MGAT4A: variants seen among roughly 807,000 people sequenced by gnomAD.
MGAT4A encodes N-acetylglucosaminyltransferase IVa.
In MGAT4A, 33 loss-of-function variants were observed where a neutral mutation model predicts 74.1. The ratio of observed to expected loss-of-function variants is 0.45; its 90% CI spans 0.34 to 0.60. MGAT4A has a LOEUF of 0.60. Among genes scored for constraint, MGAT4A ranks in the 20% least tolerant of loss-of-function variants. The probability of loss-of-function intolerance (pLI) is 0.02; values close to 1 mark genes in which losing one functional copy is unlikely to be tolerated. For synonymous variants in MGAT4A, 198 were observed against 210.4 expected (o/e 0.94, Z 0.51); for missense variants, 479 against 628.3 (o/e 0.76, Z 2.54).
At chr2:98,644,634 T>C (rs1701458393) in intron 9 of MGAT4A, among the ~76,000 whole-genome samples, 1 of 151,954 alleles carries the variant, frequency 6.6e-6, no homozygotes, top group African/African-American at 2.4e-5. Context: ...ACTTTAAACA[T>C]ACTCTTTTTT....
chr2:98,654,959 TA>T (rs903410461), intron 8 of MGAT4A, among the ~76,000 whole-genome samples: 1 of 152,138 alleles, frequency 6.6e-6, no homozygotes, highest in African/African-American at 2.4e-5. Context: ...GTGTTCTTGG[TA>T]AAAATTGGAC....
At chr2:98,650,905 G>A (rs1017078878) in intron 8 of MGAT4A, among the ~76,000 whole-genome samples, 10 of 152,110 alleles carry the variant, frequency 6.6e-5, no homozygotes, top group South Asian at 2.1e-4. Context: ...CCGAGATCGC[G>A]CCACTGCACT....
In MGAT4A at chr2:98,657,705, T is replaced by C. The variant is rs551489454; in HGVS notation, c.584+513A>G. On this transcript the variant is annotated intron_variant, in intron 6 of 15. Transcript: ENST00000393487. ...TAATTTTATTACGCTATTGAAACTA[T>C]TAAGGCAATATTATAAAAAATAATA... is the stretch of plus-strand genomic sequence containing the variant. Among the ~76,000 whole-genome samples, 7 of 152,312 alleles carry C rather than the reference T, an allele frequency of 4.6e-5. No individual in the cohort carries two copies. The East Asian group carries it at 9.6e-4, about 21-fold the overall frequency.
At chr2:98,635,437 T>G in intron 13 of MGAT4A, 149 bp from the exon 14 acceptor site, 1 of 568,422 alleles carries the variant, frequency 1.8e-6, no homozygotes. Flanking sequence ...TTTAAAAAAC[T>G]TATTAGATTA....
At chr2:98,627,379 C>CT (rs60739877) in intron 14 of MGAT4A, among the ~76,000 whole-genome samples, 78 of 149,860 alleles carry the variant, frequency 5.2e-4, no homozygotes, top group African/African-American at 1.5e-3. Context: ...AACTAGTTTT[C>CT]TTTTTTTTTT....
At position 98,622,784 on chromosome 2, in the gene MGAT4A, A is replaced by T; in HGVS notation, c.*2782T>A. 1 of 985,720 alleles carries T rather than the reference A, an allele frequency of 1.0e-6. No homozygotes were observed. Among genetic ancestry groups the T allele is most frequent in the Non-Finnish European group, 1.2e-6 (1 of 830,142 alleles). The allele number at this position is 985,720 out of a possible 1,614,324, so 61.1% of individuals were successfully genotyped here. ...GTCAGAGAGACAGCACACACCATAC[A>T]CACAAACAATCAAAAACTAGACAAC... is the stretch of plus-strand genomic sequence containing the variant. On this transcript the variant is annotated 3_prime_UTR_variant, in exon 16 of 16. Transcript: ENST00000393487.
At chr2:98,631,474 C>T (rs1235784304) in intron 14 of MGAT4A, among the ~76,000 whole-genome samples, 3 of 152,256 alleles carry the variant, frequency 2.0e-5, no homozygotes, top group Non-Finnish European at 4.4e-5. Context: ...TGGCCTGCCA[C>T]GTCCCCATAC....
chr2:98,690,343 C>T (rs1313924316), intron 2 of MGAT4A, among the ~76,000 whole-genome samples: 1 of 152,166 alleles, frequency 6.6e-6, no homozygotes, highest in African/African-American at 2.4e-5. Flanking sequence ...GTAGCAGGGT[C>T]CCTTCTCCCC....
intron 2 of MGAT4A, among the ~76,000 whole-genome samples, chr2:98,712,581 T>C (rs1176874728): frequency 2.0e-5 from 3 of 152,212 alleles, no homozygotes; most frequent in African/African-American, 7.2e-5. Context: ...TTGTGCACTT[T>C]TTACATCTTT....
chr2:98,716,227 G>C (rs1161001601), intron 2 of MGAT4A, among the ~76,000 whole-genome samples: 1 of 152,144 alleles, frequency 6.6e-6, no homozygotes, highest in Non-Finnish European at 1.5e-5. Flanking sequence ...AGAAGCTGAG[G>C]TGAGGGTGAC....
In MGAT4A at chr2:98,640,006, G is replaced by A; in HGVS notation, c.1129-5C>T. 1.2e-6 allele frequency: 2 copies of A among 1,606,058 alleles called. No homozygotes were observed. The highest frequency in any genetic ancestry group is 1.7e-6 in the Non-Finnish European group (2 of 1,175,604). On this transcript the variant is annotated splice_region_variant and splice_polypyrimidine_tract_variant and intron_variant, in intron 11 of 15. Coordinates refer to ENST00000393487, the MANE Select transcript of MGAT4A (RefSeq NM_012214.3). ...TGGTTTCATATAATCTTTATCCTGGGAGCAAAGACATATATGCTATTAAAT... is the reference window on the plus strand; with the variant it reads ...TGGTTTCATATAATCTTTATCCTGGAAGCAAAGACATATATGCTATTAAAT...
intron 14 of MGAT4A, among the ~76,000 whole-genome samples, chr2:98,630,777 C>T (rs1021092057): frequency 2.6e-5 from 4 of 152,118 alleles, no homozygotes; most frequent in African/African-American, 9.7e-5. Flanking sequence ...CGGGAACTGC[C>T]TCTCAGAAGC....
At chr2:98,637,402 A>G (rs1029681175) in intron 12 of MGAT4A, among the ~76,000 whole-genome samples, 7 of 152,082 alleles carry the variant, frequency 4.6e-5, no homozygotes, top group Admixed American at 1.3e-4. Context: ...CTTTAATATT[A>G]GTAGACTAAA....
intron 2 of MGAT4A, 136 bp from the exon 3 acceptor site, chr2:98,678,607 A>G (rs1269195967): frequency 2.1e-6 from 1 of 472,098 alleles, no homozygotes; most frequent in Non-Finnish European, 3.4e-6. Flanking sequence ...GAACTGAAAA[A>G]AAAAGGGTTC....
chr2:98,705,302 T>A (rs1702409385), intron 2 of MGAT4A, among the ~76,000 whole-genome samples: 1 of 152,182 alleles, frequency 6.6e-6, no homozygotes, highest in Non-Finnish European at 1.5e-5. Flanking sequence ...TGATCTTAAA[T>A]GATGGTTCTA....
intron 4 of MGAT4A, 79 bp downstream of exon 4, chr2:98,674,956 C>T: frequency 1.4e-6 from 2 of 1,458,838 alleles, no homozygotes; most frequent in Middle Eastern, 1.8e-4. Context: ...ACCTCCCAGA[C>T]TTCTGATGGT....
chr2:98,630,086 G>A (rs1701206921), intron 14 of MGAT4A, among the ~76,000 whole-genome samples: 1 of 152,156 alleles, frequency 6.6e-6, no homozygotes, highest in Non-Finnish European at 1.5e-5. Flanking sequence ...AAAAGTTGAA[G>A]ATAATGCAGT....
chr2:98,656,497 G>C, intron 6 of MGAT4A, 32 bp from the exon 7 acceptor site: 2 of 1,416,124 alleles, frequency 1.4e-6, no homozygotes, highest in Non-Finnish European at 2.0e-6. Context: ...AGTTACTTAA[G>C]TTCTGTGGGA....
intron 13 of MGAT4A, among the ~76,000 whole-genome samples, chr2:98,636,084 C>T (rs1420563579): frequency 6.6e-6 from 1 of 151,774 alleles, no homozygotes; most frequent in Non-Finnish European, 1.5e-5. Context: ...CCTCCACCTC[C>T]CAGGTTCAAG....
Sources: gnomAD v4.1 joint callset for allele counts (sites outside exome capture counted in the v4.1 genomes callset) on GRCh38, gnomAD v4.1.1 for gene constraint, MANE v1.5 for transcripts, NCBI Gene and HGNC (gene_info 2026-07-23, HGNC 2026-07-21) for gene names.